Variants in LPIN2 observed in about 807,000 individuals in gnomAD.
LPIN2 encodes the protein lipin 2, also known as phosphatidate phosphatase LPIN2.
In LPIN2, 55 loss-of-function variants were observed where a neutral mutation model predicts 111.4. The ratio of observed to expected loss-of-function variants is 0.49; its 90% CI spans 0.40 to 0.62. The LOEUF is 0.62. Among genes scored for constraint, LPIN2 ranks in the 20% least tolerant of loss-of-function variants. The probability of loss-of-function intolerance (pLI) is 0.00; values close to 1 mark genes in which losing one functional copy is unlikely to be tolerated. For synonymous variants in LPIN2, 425 were observed against 414.0 expected (o/e 1.03, Z -0.32); for missense variants, 992 against 1,112.1 (o/e 0.89, Z 1.54).
At chr18:2,936,603 C>G (rs2077288624) in intron 7 of LPIN2, among the ~76,000 whole-genome samples, 1 of 152,178 alleles carries the variant, frequency 6.6e-6, no homozygotes. Context: ...ATTTTTGAGA[C>G]AGGGTCTCAC....
At chr18:2,994,158 C>T (rs957539823) in intron 1 of LPIN2, among the ~76,000 whole-genome samples, 1 of 152,242 alleles carries the variant, frequency 6.6e-6, no homozygotes, top group African/African-American at 2.4e-5. Context: ...CCTGTAATAT[C>T]TCAGGTACCA....
At chr18:2,982,973 C>T (rs2078135362) in intron 1 of LPIN2, 2 of 345,632 alleles carry the variant, frequency 5.8e-6, no homozygotes, top group South Asian at 4.5e-5. Context: ...TCAACCCCTT[C>T]TCCCCAAAGG....
chr18:3,006,815 C>CGACA (rs1255463344), intron 1 of LPIN2, among the ~76,000 whole-genome samples: 1 of 148,784 alleles, frequency 6.7e-6, no homozygotes, highest in East Asian at 2.0e-4. Flanking sequence ...CCAGCCTGGG[C>CGACA]GACAGAACGA....
intron 1 of LPIN2, among the ~76,000 whole-genome samples, chr18:2,998,767 G>A (rs930171415): frequency 9.9e-5 from 15 of 152,120 alleles, no homozygotes; most frequent in Non-Finnish European, 2.1e-4. Flanking sequence ...AGAGCATGAT[G>A]AGAACCTGGC....
chr18:2,984,258 C>T lies in LPIN2; in HGVS notation c.-9-23409G>A, dbSNP rs181963100. 5.6e-4 allele frequency among the ~76,000 whole-genome samples: 86 copies of T among 152,264 alleles called. 1 individual carries two copies. The highest frequency in any genetic ancestry group is 1.8e-3 in the African/African-American group (75 of 41,542). ...GCATGCAGCATGTTTTCCTGCTTGCCTTCTAGCCCAGCATAGTATCGTGGA... is the reference window on the plus strand; with the variant it reads ...GCATGCAGCATGTTTTCCTGCTTGCTTTCTAGCCCAGCATAGTATCGTGGA... On this transcript the variant is annotated intron_variant, in intron 1 of 19. Coordinates refer to ENST00000677752, the MANE Select transcript of LPIN2 (RefSeq NM_001375808.2).
chr18:2,960,618 G>A (rs2077697610), intron 2 of LPIN2, 31 bp downstream of exon 2: 1 of 1,605,350 alleles, frequency 6.2e-7, no homozygotes, highest in African/African-American at 1.3e-5. Flanking sequence ...TGAATCTCAG[G>A]ATGACTTTTC....
chr18:2,936,016 A>T (rs966066669), intron 7 of LPIN2, among the ~76,000 whole-genome samples: 2 of 152,236 alleles, frequency 1.3e-5, no homozygotes, highest in Non-Finnish European at 2.9e-5. Flanking sequence ...TTCTTAGAGC[A>T]TAACAAGTGG....
At chr18:2,921,720 T>C in intron 17 of LPIN2, 73 bp from the exon 18 acceptor site, 8 of 1,063,772 alleles carry the variant, frequency 7.5e-6, no homozygotes, top group Non-Finnish European at 1.0e-5. Context: ...CCTAAAATTT[T>C]AGTGCTCACA....
At chr18:2,976,535 C>T (rs747123282) in intron 1 of LPIN2, among the ~76,000 whole-genome samples, 5 of 152,198 alleles carry the variant, frequency 3.3e-5, no homozygotes, top group African/African-American at 9.7e-5. Flanking sequence ...TTAGTGGAAT[C>T]GTAAGCCTGT....
chr18:2,931,543 C>T (rs1012563466), intron 8 of LPIN2, 100 bp from the exon 9 acceptor site: 32 of 1,166,582 alleles, frequency 2.7e-5, no homozygotes, highest in African/African-American at 2.4e-4. Context: ...ATAACACATC[C>T]GCTAAAAAGA....
intron 1 of LPIN2, among the ~76,000 whole-genome samples, chr18:3,002,010 T>C (rs1212105710): frequency 1.3e-5 from 2 of 152,122 alleles, no homozygotes. Context: ...ATCTGACCTG[T>C]AGGTATGTCT....
rs751411145 is a variant in LPIN2, at chr18:2,929,176, A to G, written c.1457-18T>C. On this transcript the variant is annotated intron_variant, in intron 9 of 19. Coordinates refer to ENST00000677752, the MANE Select transcript of LPIN2 (RefSeq NM_001375808.2). ...GAATTTTTCTGCAATGTAAAATAAT[A>G]ATCAATTTGGTTAGAGATTACATAA... The G allele has an allele frequency of 1.4e-6, 2 of 1,465,838 alleles. No individual in the cohort carries two copies. Among genetic ancestry groups the G allele is most frequent in the South Asian group, 2.3e-5 (2 of 87,926 alleles). The allele number at this position is 1,465,838 out of a possible 1,614,324, so 90.8% of individuals were successfully genotyped here. A position where few individuals can be genotyped will look rare whatever the true frequency, so the allele number is the denominator to read the frequency against.
intron 4 of LPIN2, 146 bp from the exon 5 acceptor site, chr18:2,940,858 G>A (rs1186299467): frequency 1.5e-6 from 1 of 668,708 alleles, no homozygotes. Flanking sequence ...GAAGGAGAAG[G>A]GGGGATACAC....
chr18:2,952,769 T>C lies in LPIN2; in HGVS notation c.289-1413A>G, dbSNP rs563894672. 2.0e-5 allele frequency among the ~76,000 whole-genome samples: 3 copies of C among 152,310 alleles called. No homozygotes were observed. In the South Asian group the frequency reaches 6.2e-4, roughly 32 times the overall value. ...CTGGTGGTATTTCTTAGTTCTATTATAGCAATGTTTGTAGGATGAAGATAA... is the reference window on the plus strand; with the variant it reads ...CTGGTGGTATTTCTTAGTTCTATTACAGCAATGTTTGTAGGATGAAGATAA... On this transcript the variant is annotated intron_variant, in intron 3 of 19. Coordinates refer to ENST00000677752, the MANE Select transcript of LPIN2 (RefSeq NM_001375808.2).
intron 1 of LPIN2, 149 bp downstream of exon 1, chr18:3,012,938 G>A (rs1473463273): frequency 6.6e-6 from 1 of 151,280 alleles, no homozygotes; most frequent in African/African-American, 2.4e-5. Context: ...CGCGGCGCGA[G>A]GAGGGGCGGC....
At chr18:2,967,294 C>CA (rs1326766896) in intron 1 of LPIN2, among the ~76,000 whole-genome samples, 2 of 151,286 alleles carry the variant, frequency 1.3e-5, no homozygotes, top group Admixed American at 6.6e-5. Context: ...TCCCTGAGGG[C>CA]AAAAAAAATC....
At chr18:2,939,741 T>C in intron 5 of LPIN2, 138 bp from the exon 6 acceptor site, 1 of 853,950 alleles carries the variant, frequency 1.2e-6, no homozygotes. Flanking sequence ...GAAGGGAGCA[T>C]CAATTATTTC....
chr18:2,939,169 T>C (rs2077334279), intron 6 of LPIN2, among the ~76,000 whole-genome samples: 1 of 152,070 alleles, frequency 6.6e-6, no homozygotes, highest in African/African-American at 2.4e-5. Flanking sequence ...CTCCAAAAAA[T>C]AAAAAATAAA....
chr18:2,926,605 T>G, intron 13 of LPIN2, 118 bp downstream of exon 13: 2 of 793,810 alleles, frequency 2.5e-6, no homozygotes, highest in Non-Finnish European at 4.2e-6. Flanking sequence ...TATCACAGCA[T>G]GTAGTATCTG....
Sources: gnomAD v4.1 joint callset for allele counts (sites outside exome capture counted in the v4.1 genomes callset) on GRCh38, gnomAD v4.1.1 for gene constraint, MANE v1.5 for transcripts, NCBI Gene and HGNC (gene_info 2026-07-23, HGNC 2026-07-21) for gene names.